CERKL: variants seen among roughly 807,000 people sequenced by gnomAD.
CERKL encodes ceramide kinase-like protein.
Under a neutral mutation model 63.4 loss-of-function variants are expected in CERKL, and 61 were observed. The ratio of observed to expected loss-of-function variants is 0.96; its 90% CI spans 0.78 to 1.19. The LOEUF (loss-of-function observed/expected upper bound fraction) is 1.19, where lower values mean the gene tolerates loss of function less well. Among genes scored for constraint, CERKL ranks in the 50% most tolerant of loss-of-function variants. CERKL has a pLI of 0.00. For missense variants in CERKL, 675 were observed against 655.5 expected, an observed-to-expected ratio of 1.03 and a Z score of -0.33; for synonymous variants, 250 against 230.5, an observed-to-expected ratio of 1.08 and a Z score of -0.77.
At chr2:181,540,466 C>T (rs1047784782) in intron 11 of CERKL, among the ~76,000 whole-genome samples, 1 of 152,120 alleles carries the variant, frequency 6.6e-6, no homozygotes, top group African/African-American at 2.4e-5. Context: ...AGGGTCTTTG[C>T]AGGTAGAATC....
At chr2:181,619,436 T>C (rs1686354811) in intron 1 of CERKL, among the ~76,000 whole-genome samples, 1 of 152,160 alleles carries the variant, frequency 6.6e-6, no homozygotes, top group South Asian at 2.1e-4. Context: ...CCTCAGATTA[T>C]GGTAATTGGC....
intron 4 of CERKL, among the ~76,000 whole-genome samples, chr2:181,562,976 TCAA>T (rs1274703839): frequency 2.0e-5 from 3 of 152,156 alleles, no homozygotes; most frequent in Non-Finnish European, 4.4e-5. Context: ...GAAAAGTAAC[TCAA>T]CAATTTTTTT....
In CERKL at chr2:181,558,467, G is replaced by T; in HGVS notation, c.820+99C>A. The stretch of plus-strand genomic sequence containing the variant: ...ATGCCAGAAGTCTGGATCTTTCAAA[G>T]TCTGTTCATTAATTCTGTGTTGTGC... On this transcript the variant is annotated intron_variant, in intron 5 of 12. Transcript: ENST00000410087. This position sits in a 1 kb window ranked among gnomAD's most constrained non-coding sequence, Gnocchi z 4.2. 1 of 1,327,932 alleles carries T rather than the reference G, an allele frequency of 7.5e-7. No homozygotes were observed. The highest frequency in any genetic ancestry group is 1.1e-6 in the Non-Finnish European group (1 of 931,550). The allele number at this position is 1,327,932 out of a possible 1,614,324, so 82.3% of individuals were successfully genotyped here.
chr2:181,592,702 C>G (rs1685038237), intron 2 of CERKL, among the ~76,000 whole-genome samples: 1 of 152,180 alleles, frequency 6.6e-6, no homozygotes, highest in African/African-American at 2.4e-5. Context: ...ACTGTGGGGA[C>G]AGACTGCCTG....
At chr2:181,649,693 A>C (rs188827335) in intron 1 of CERKL, 57 of 152,322 alleles carry the variant, frequency 3.7e-4, no homozygotes, top group African/African-American at 1.3e-3. Context: ...ATTTTAAAAG[A>C]TTAAGATAAT....
chr2:181,576,977 G>A (rs931360202), intron 2 of CERKL, among the ~76,000 whole-genome samples: 10 of 152,154 alleles, frequency 6.6e-5, no homozygotes, highest in Non-Finnish European at 1.0e-4. Context: ...CTAAGGAACT[G>A]GCATATTCAT....
At chr2:181,541,253 T>C (rs759833309) in intron 11 of CERKL, among the ~76,000 whole-genome samples, 1 of 152,168 alleles carries the variant, frequency 6.6e-6, no homozygotes, top group African/African-American at 2.4e-5. Context: ...GACCACTCAC[T>C]TGTGGGTGCT....
In CERKL at chr2:181,583,123, A is replaced by T. The variant is rs114781745; in HGVS notation, c.482-9239T>A. On this transcript the variant is annotated intron_variant, in intron 2 of 12. Transcript: ENST00000410087. ...ATCAAATAACCCCAGTTGCGAAGTA[A>T]CATCCATTTAAAAATAAAAACAAGG... 6.2e-3 allele frequency among the ~76,000 whole-genome samples: 940 copies of T among 152,174 alleles called. 8 individuals carry two copies. The highest frequency in any genetic ancestry group is 0.022 in the African/African-American group (899 of 41,522).
At chr2:181,618,327 GC>G (rs1253606863) in intron 1 of CERKL, among the ~76,000 whole-genome samples, 1 of 150,864 alleles carries the variant, frequency 6.6e-6, no homozygotes, top group Admixed American at 6.6e-5. Flanking sequence ...GAGTGGTACT[GC>G]TTTTTTGATT....
intron 5 of CERKL, among the ~76,000 whole-genome samples, chr2:181,556,767 G>A (rs982805836): frequency 5.3e-5 from 8 of 152,194 alleles, no homozygotes; most frequent in Non-Finnish European, 1.2e-4. Context: ...CCAGTAATGG[G>A]ATGGCTGGAT....
intron 1 of CERKL, among the ~76,000 whole-genome samples, chr2:181,655,732 G>A (rs1688125524): frequency 6.6e-6 from 1 of 152,204 alleles, no homozygotes; most frequent in South Asian, 2.1e-4. Flanking sequence ...TTTTCCAACA[G>A]GGGAAGGCAA....
chr2:181,561,302 C>G (rs1688428850), intron 4 of CERKL, among the ~76,000 whole-genome samples: 1 of 151,550 alleles, frequency 6.6e-6, no homozygotes, highest in Admixed American at 6.6e-5. Context: ...CCCAGCTACT[C>G]AGGAGGCTGG....
chr2:181,611,488 A>T (rs2105905192), intron 1 of CERKL, among the ~76,000 whole-genome samples: 1 of 152,010 alleles, frequency 6.6e-6, no homozygotes, highest in Non-Finnish European at 1.5e-5. Context: ...GTGAGACCTC[A>T]TCTCTACAAA....
chr2:181,547,904 C>A (rs1223251585), intron 8 of CERKL, 57 bp from the exon 9 acceptor site: 1 of 1,399,046 alleles, frequency 7.1e-7, no homozygotes, highest in Non-Finnish European at 9.9e-7. Flanking sequence ...CACAGACACA[C>A]AGACACACAC....
rs1388618418 is a variant in CERKL at position 181,537,751 on chromosome 2, TTTGAA to T, written c.*428_*432del. The T allele has an allele frequency of 4.5e-6, 2 of 445,322 alleles. No individual in the cohort carries two copies. Among genetic ancestry groups the T allele is most frequent in the East Asian group, 7.0e-5 (1 of 14,338 alleles). The allele number at this position is 445,322 out of a possible 1,614,324, so 27.6% of individuals were successfully genotyped here. A position where few individuals can be genotyped will look rare whatever the true frequency, so the allele number is the denominator to read the frequency against. On this transcript the variant is annotated 3_prime_UTR_variant, in exon 13 of 13. Transcript: ENST00000410087. ...AATAAACACATTGTAAAAAAAAGAA[TTTGAA>T]TTGATATCTAAAAACAGAATTTGAA...
chr2:181,625,659 C>G (rs1030214092), intron 1 of CERKL, among the ~76,000 whole-genome samples: 2 of 152,066 alleles, frequency 1.3e-5, no homozygotes, highest in African/African-American at 4.8e-5. Context: ...GAAGAGAAAG[C>G]CTTAGATTTA....
chr2:181,595,736 A>G, intron 2 of CERKL, among the ~76,000 whole-genome samples: 1 of 152,212 alleles, frequency 6.6e-6, no homozygotes, highest in East Asian at 1.9e-4. Context: ...TGATAATGAT[A>G]ATAAAATTCA....
At chr2:181,538,411 A>T (rs1026519120) in intron 12 of CERKL, among the ~76,000 whole-genome samples, 167 bp from the exon 13 acceptor site, 1 of 152,166 alleles carries the variant, frequency 6.6e-6, no homozygotes, top group Non-Finnish European at 1.5e-5. Context: ...TAAATCATCA[A>T]CAACAATAAT....
In CERKL at chr2:181,537,483, G is replaced by T. The variant is rs1687202995; in HGVS notation, c.*701C>A. 2.2e-6 allele frequency: 1 copy of T among 452,960 alleles called. No homozygotes were observed. The highest frequency in any genetic ancestry group is 4.4e-6 in the Non-Finnish European group (1 of 226,340). The allele number at this position is 452,960 out of a possible 1,614,324, so 28.1% of individuals were successfully genotyped here. A position where few individuals can be genotyped will look rare whatever the true frequency, so the allele number is the denominator to read the frequency against. Reference sequence around the variant, plus strand: ...TACCACTTTAAGAAGACAGGGATGGGTTATTCTTTTTTGGCAGGTAGGCTA... The same window carrying T: ...TACCACTTTAAGAAGACAGGGATGGTTTATTCTTTTTTGGCAGGTAGGCTA... On this transcript the variant is annotated 3_prime_UTR_variant, in exon 13 of 13. Coordinates refer to ENST00000410087, the MANE Select transcript of CERKL (RefSeq NM_201548.5).
Sources: allele counts gnomAD v4.1 joint callset (sites outside exome capture counted in the v4.1 genomes callset), GRCh38; gene constraint gnomAD v4.1.1; non-coding constraint Gnocchi (gnomAD v3.1); transcripts MANE v1.5; gene names NCBI Gene and HGNC (gene_info 2026-07-23, HGNC 2026-07-21).